The following RAB1B variants were observed in gnomAD, a reference collection of about 807,000 sequenced individuals.
RAB1B encodes RAB1B, member RAS oncogene family, also known as ras-related protein Rab-1B.
Under a neutral mutation model 24.8 loss-of-function variants are expected in RAB1B, and 10 were observed. That is an observed-to-expected ratio of 0.40 (90% CI 0.25 to 0.68). The LOEUF is 0.68. Ranked by LOEUF, RAB1B falls within the 30% of genes least tolerant of loss-of-function variation. The pLI, the probability that RAB1B is intolerant of heterozygous loss-of-function variation, is 0.37. For synonymous variants in RAB1B, 99 were observed against 111.7 expected, an observed-to-expected ratio of 0.89 and a Z score of 0.72; for missense variants, 154 against 271.2, an observed-to-expected ratio of 0.57 and a Z score of 3.04.
intron 4 of RAB1B, among the ~76,000 whole-genome samples, chr11:66,274,079 A>C (rs1474962905): frequency 1.3e-5 from 2 of 152,056 alleles, no homozygotes; most frequent in Non-Finnish European, 2.9e-5. Context: ...GGCTTAAGGG[A>C]TCCTCCTGCT....
chr11:66,272,332 A>G (rs1410624444), intron 3 of RAB1B, 33 bp from the exon 4 acceptor site: 78 of 1,609,122 alleles, frequency 4.8e-5, no homozygotes, highest in Non-Finnish European at 6.5e-5. Context: ...TCTGGACCTC[A>G]GCTGACCTGC....
In RAB1B at chr11:66,276,065, A is replaced by T; in HGVS notation, c.433A>T (p.Ile145Phe). ...TCAGGAGTTTGCAGACTCTCTGGGCATCCCCTTCTTGGAGACGAGCGCCAA... is the reference window on the plus strand; with the variant it reads ...TCAGGAGTTTGCAGACTCTCTGGGCTTCCCCTTCTTGGAGACGAGCGCCAA... The part of the protein sequence containing the change: ...TAKEFADSLG[I>F]PFLETSAKNA... Residue 145 changes from isoleucine to phenylalanine, a missense_variant, in exon 6 of 6, where the codon ATC becomes TTC. By Grantham distance (21) the Ile-to-Phe change is conservative. Transcript: ENST00000311481. The T allele has an allele frequency of 6.2e-7, 1 of 1,613,472 alleles. No individual in the cohort carries two copies. Among genetic ancestry groups the T allele is most frequent in the Non-Finnish European group, 8.5e-7 (1 of 1,179,798 alleles).
Position 66,276,318 on chromosome 11 carries a change from C to G in RAB1B, c.*80C>G. 2 of 1,339,954 alleles carry G rather than the reference C, an allele frequency of 1.5e-6. No homozygotes were observed. Among genetic ancestry groups the G allele is most frequent in the South Asian group, 3.1e-5 (2 of 65,362 alleles). The allele number at this position is 1,339,954 out of a possible 1,614,324, so 83.0% of individuals were successfully genotyped here. A position where few individuals can be genotyped will look rare whatever the true frequency, so the allele number is the denominator to read the frequency against. ...GAGGGGGCAGGAGGTACCTCCCTCTCCCTCTCCTGGGGCATTTGAGTCTGT... is the reference window on the plus strand; with the variant it reads ...GAGGGGGCAGGAGGTACCTCCCTCTGCCTCTCCTGGGGCATTTGAGTCTGT... On this transcript the variant is annotated 3_prime_UTR_variant, in exon 6 of 6. Coordinates refer to ENST00000311481, the MANE Select transcript of RAB1B (RefSeq NM_030981.3).
chr11:66,276,015 C>G, intron 5 of RAB1B, 29 bp from the exon 6 acceptor site: 1 of 1,608,728 alleles, frequency 6.2e-7, no homozygotes, highest in Non-Finnish European at 8.5e-7. Flanking sequence ...CTCTTCTCTC[C>G]CCTCCTCTTC....
chr11:66,276,118 C>T lies in RAB1B; in HGVS notation c.486C>T (p.Phe162=). 6.2e-7 allele frequency: 1 copy of T among 1,613,958 alleles called. No homozygotes were observed. The highest frequency in any genetic ancestry group is 8.5e-7 in the Non-Finnish European group (1 of 1,179,950). Residue 162 remains phenylalanine (F), a synonymous_variant, in exon 6 of 6, where the codon TTC becomes TTT. Coordinates refer to ENST00000311481, the MANE Select transcript of RAB1B (RefSeq NM_030981.3). ...ATGCCACCAATGTCGAGCAGGCGTT[C>T]ATGACCATGGCTGCTGAAATCAAAA... ...AKNATNVEQA[F]MTMAAEIKKR...
In RAB1B at chr11:66,272,376, G is replaced by A. The variant is rs757936378; in HGVS notation, c.195G>A (p.Ala65=). 5.6e-6 allele frequency: 9 copies of A among 1,611,640 alleles called. No homozygotes were observed. The East Asian group carries it at 6.7e-5, about 12-fold the overall frequency. Residue 65 remains alanine, a synonymous_variant, in exon 4 of 6, where the codon GCG becomes GCA. Transcript: ENST00000311481. ...CTACTGTCTCCTAGTGGGACACAGC[G>A]GGCCAGGAACGGTTCCGGACCATCA... The part of the protein sequence containing the change: ...KTIKLQIWDT[A]GQERFRTITS...
At chr11:66,275,242 G>A (rs1056736086) in intron 4 of RAB1B, among the ~76,000 whole-genome samples, 6 of 152,168 alleles carry the variant, frequency 3.9e-5, no homozygotes, top group East Asian at 1.9e-4. Flanking sequence ...GGGTAGGGGC[G>A]CAAGTGCTGG....
At position 66,276,057 on chromosome 11, in the gene RAB1B, C is replaced by T. The variant is rs748339466; in HGVS notation, c.425C>T (p.Ser142Phe). ...CTCCCTTGTCAGGAGTTTGCAGACT[C>T]TCTGGGCATCCCCTTCTTGGAGACG... ...DNTTAKEFADSLGIPFLETSA... is the reference protein window; with the variant it reads ...DNTTAKEFADFLGIPFLETSA... Residue 142 changes from serine to phenylalanine, a missense_variant, in exon 6 of 6, where the codon TCT (serine) becomes TTT (phenylalanine). Around this residue, in one of 2 missense-constraint regions of RAB1B, gnomAD observed 77 missense variants for 97.8 expected, o/e 0.79. Transcript: ENST00000311481. The T allele has an allele frequency of 1.7e-5, 28 of 1,613,280 alleles. No homozygotes were observed. Among genetic ancestry groups the T allele is most frequent in the African/African-American group, 2.7e-5 (2 of 74,926 alleles).
chr11:66,271,488 CAAAAA>C (rs71270565), intron 1 of RAB1B: 50 of 48,472 alleles, frequency 1.0e-3, no homozygotes, highest in South Asian at 2.7e-3. Flanking sequence ...AACTCAGTCT[CAAAAA>C]AAAAAAAAAA....
At chr11:66,276,012 C>T in intron 5 of RAB1B, 32 bp from the exon 6 acceptor site, 2 of 1,608,112 alleles carry the variant, frequency 1.2e-6, no homozygotes, top group African/African-American at 2.7e-5. Flanking sequence ...CTCCTCTTCT[C>T]TCCCCTCCTC....
Position 66,272,416 on chromosome 11 carries a change from CG to C in RAB1B, c.241del (p.Ala81LeufsTer19). The C allele has an allele frequency of 1.2e-6, 2 of 1,606,170 alleles. No individual in the cohort carries two copies. Among genetic ancestry groups the C allele is most frequent in the Non-Finnish European group, 1.7e-6 (2 of 1,175,384 alleles). On this transcript the variant is annotated frameshift_variant, in exon 4 of 6. Coordinates refer to ENST00000311481, the MANE Select transcript of RAB1B (RefSeq NM_030981.3). LOFTEE classifies it high-confidence loss of function. ...RFRTITSSYYRGAHGIIVVYD... is the reference protein window; with the variant it reads ...RFRTITSSYYXGAHGIIVVYD... The stretch of plus-strand genomic sequence containing the variant: ...CCGGACCATCACTTCCAGCTACTAC[CG>C]GGGGGCTCATGGCATCATCGTGGTG...
intron 4 of RAB1B, 143 bp downstream of exon 4, chr11:66,272,603 G>GAAAAAAA: frequency 3.5e-6 from 2 of 566,266 alleles, no homozygotes; most frequent in Non-Finnish European, 6.2e-6. Context: ...CTAGGAAAAA[G>GAAAAAAA]AAAAAAAATA....
At position 66,268,964 on chromosome 11, in the gene RAB1B, C is replaced by T. The variant is rs187704608; in HGVS notation, c.14+271C>T. Among the ~76,000 whole-genome samples, 322 of 152,180 alleles carry T rather than the reference C, an allele frequency of 2.1e-3. 1 individual carries two copies. Among genetic ancestry groups the T allele is most frequent in the Admixed American group, 5.8e-3 (89 of 15,290 alleles). ...AGCTCGAGACATCGGTCCTACCAGG[C>T]CTTATCGGTCAGATGACCCCGCAGT... is the stretch of plus-strand genomic sequence containing the variant. On this transcript the variant is annotated intron_variant, in intron 1 of 5. Transcript: ENST00000311481.
At chr11:66,273,694 C>T (rs1425406699) in intron 4 of RAB1B, among the ~76,000 whole-genome samples, 1 of 152,198 alleles carries the variant, frequency 6.6e-6, no homozygotes, top group Non-Finnish European at 1.5e-5. Context: ...CTCCTCTGTC[C>T]ATGTCTACAC....
chr11:66,272,681 T>A, intron 4 of RAB1B: 1 of 370,722 alleles, frequency 2.7e-6, no homozygotes, highest in Non-Finnish European at 4.9e-6. Flanking sequence ...CTGAAGGCCC[T>A]GCTGCAGGTT....
intron 1 of RAB1B, chr11:66,270,233 TTTGTTGTTGTTGTTGTTGTTGTTGTTG>T (rs58085258): frequency 6.0e-5 from 9 of 149,702 alleles, no homozygotes; most frequent in African/African-American, 2.2e-4. Flanking sequence ...ATAACAGGTT[TTTGTTGTTGTTGTTGTTGTTGTTGTTG>T]TTGTTGTTGT....
intron 4 of RAB1B, 24 bp from the exon 5 acceptor site, chr11:66,275,780 A>G (rs1247812911): frequency 6.4e-7 from 1 of 1,558,160 alleles, no homozygotes; most frequent in Non-Finnish European, 8.7e-7. Flanking sequence ...GAGCAAAATA[A>G]CTTTGGCCCC....
rs750872064 is a variant in RAB1B, at chr11:66,275,944, C to T, written c.411+9C>T. On this transcript the variant is annotated intron_variant, in intron 5 of 5. Coordinates refer to ENST00000311481, the MANE Select transcript of RAB1B (RefSeq NM_030981.3). ...ACAACACCACAGCCAAGGTAGCAGA[C>T]GGGCCGGTCTGCCCGGGGTCGGGGC... The T allele has an allele frequency of 1.6e-5, 26 of 1,611,088 alleles. No individual in the cohort carries two copies. The highest frequency in any genetic ancestry group is 3.3e-4 in the Middle Eastern group (2 of 6,074).
rs536390118 is a variant in RAB1B, at chr11:66,274,917, C to T, written c.280-887C>T. On this transcript the variant is annotated intron_variant, in intron 4 of 5. Coordinates refer to ENST00000311481, the MANE Select transcript of RAB1B (RefSeq NM_030981.3). Reference sequence around the variant, plus strand: ...CACCTCTCCTGCACAAGGCCAGTTCCCACCTGCAGGCTTAGGTCCACTGTT... The same window carrying T: ...CACCTCTCCTGCACAAGGCCAGTTCTCACCTGCAGGCTTAGGTCCACTGTT... Among the ~76,000 whole-genome samples, 7 of 152,188 alleles carry T rather than the reference C, an allele frequency of 4.6e-5. No homozygotes were observed. The East Asian group carries it at 9.7e-4, about 21-fold the overall frequency.
Sources: allele counts gnomAD v4.1 joint callset (sites outside exome capture counted in the v4.1 genomes callset), GRCh38; gene constraint gnomAD v4.1.1; regional missense constraint gnomAD v4.1.1; transcripts MANE v1.5; gene names NCBI Gene and HGNC (gene_info 2026-07-23, HGNC 2026-07-21).